Variants in ASCC2 observed in about 807,000 individuals in gnomAD.
ASCC2 encodes ASC-1 complex subunit P100.
In ASCC2, 42 loss-of-function variants were observed where a neutral mutation model predicts 93.5. The observed-to-expected ratio is 0.45, with a 90% confidence interval of 0.35 to 0.58. The LOEUF is 0.58. ASCC2 is among the 20% of genes least tolerant of loss of function. The probability of loss-of-function intolerance (pLI) is 0.00; values close to 1 mark genes in which losing one functional copy is unlikely to be tolerated. For synonymous variants in ASCC2, 364 were observed against 384.2 expected, an observed-to-expected ratio of 0.95 and a Z score of 0.62; for missense variants, 859 against 977.6, an observed-to-expected ratio of 0.88 and a Z score of 1.62.
chr22:29,816,085 A>C lies in ASCC2; in HGVS notation c.542-12T>G. 6.3e-7 allele frequency: 1 copy of C among 1,583,792 alleles called. No homozygotes were observed. The highest frequency in any genetic ancestry group is 8.6e-7 in the Non-Finnish European group (1 of 1,162,800). On this transcript the variant is annotated splice_polypyrimidine_tract_variant and intron_variant, in intron 5 of 19. Coordinates refer to ENST00000307790, the MANE Select transcript of ASCC2 (RefSeq NM_032204.5). ...TGTAAAGATGTTTCCTAAAAAGAGAAGAGAAAGGTTGGAATTGAGAAAAGG... is the reference window on the plus strand; with the variant it reads ...TGTAAAGATGTTTCCTAAAAAGAGACGAGAAAGGTTGGAATTGAGAAAAGG...
At chr22:29,807,154 T>C (rs754036936) in intron 9 of ASCC2, among the ~76,000 whole-genome samples, 3 of 140,464 alleles carry the variant, frequency 2.1e-5, no homozygotes, top group Non-Finnish European at 4.5e-5. Context: ...GGCAGGGGGA[T>C]CGCATTCGCC....
chr22:29,804,602 C>G, intron 13 of ASCC2, 36 bp downstream of exon 13: 1 of 1,600,860 alleles, frequency 6.2e-7, no homozygotes, highest in Non-Finnish European at 8.5e-7. Flanking sequence ...CAAGGAGGGA[C>G]AAGCGAAGAG....
At chr22:29,798,146 T>C (rs1360650009) in intron 15 of ASCC2, among the ~76,000 whole-genome samples, 1 of 152,212 alleles carries the variant, frequency 6.6e-6, no homozygotes, top group East Asian at 1.9e-4. Flanking sequence ...TCTTGCCCAC[T>C]GACTCCTTCA....
At chr22:29,793,246 G>T in intron 17 of ASCC2, 114 bp downstream of exon 17, 1 of 1,446,722 alleles carries the variant, frequency 6.9e-7, no homozygotes, top group Middle Eastern at 2.2e-4. Flanking sequence ...TAGGAGTCAG[G>T]AGGACTGGGT....
intron 12 of ASCC2, 62 bp downstream of exon 12, chr22:29,806,154 C>T: frequency 1.9e-6 from 3 of 1,553,204 alleles, no homozygotes; most frequent in Non-Finnish European, 2.7e-6. Flanking sequence ...TTCCAGCAGC[C>T]TGTCTCACCT....
Position 29,825,203 on chromosome 22 carries a change from G to T in ASCC2, c.295C>A (p.Pro99Thr). Reference protein sequence around the residue: ...KCLDSYLRYVPRKFDEGVASA... With the variant: ...KCLDSYLRYVTRKFDEGVASA... ...GCCACCCCCTCGTCGAATTTGCGGG[G>T]GACATAGCGCAGGTAGGAGTCCAGG... is the stretch of plus-strand genomic sequence containing the variant. The change falls in exon 4 of 20, where the codon CCC becomes ACC. Residue 99 changes from proline (P) to threonine (T), a missense_variant. Pro to Thr is a conservative substitution (Grantham distance 38). Coordinates refer to ENST00000307790, the MANE Select transcript of ASCC2 (RefSeq NM_032204.5). The surrounding 1 kb of genome is among the most constrained non-coding windows in gnomAD (Gnocchi z 4.9). 6.4e-7 allele frequency: 1 copy of T among 1,559,618 alleles called. No homozygotes were observed. The highest frequency in any genetic ancestry group is 8.7e-7 in the Non-Finnish European group (1 of 1,153,444).
Position 29,796,883 on chromosome 22 carries a change from T to A in ASCC2, c.1689-3207A>T, listed in dbSNP as rs529900451. Reference sequence around the variant, plus strand: ...TTTCTGCTACACCTTCGGCTTCTGGTCCATCCCATCCCTGGTTCTGTGCAG... The same window carrying A: ...TTTCTGCTACACCTTCGGCTTCTGGACCATCCCATCCCTGGTTCTGTGCAG... On this transcript the variant is annotated intron_variant, in intron 15 of 19. Coordinates refer to ENST00000307790, the MANE Select transcript of ASCC2 (RefSeq NM_032204.5). Among the ~76,000 whole-genome samples the A allele has an allele frequency of 2.0e-5, 3 of 152,278 alleles. No individual in the cohort carries two copies. The East Asian group carries it at 5.8e-4, about 29-fold the overall frequency.
intron 1 of ASCC2, among the ~76,000 whole-genome samples, chr22:29,832,863 C>G (rs112946458): frequency 0.011 from 1,712 of 152,222 alleles, 30 homozygotes; most frequent in African/African-American, 0.037. Context: ...ACCTCAGCCT[C>G]CTGAGTAGCT....
intron 15 of ASCC2, 115 bp downstream of exon 15, chr22:29,800,876 T>A: frequency 3.0e-6 from 4 of 1,321,160 alleles, no homozygotes; most frequent in Non-Finnish European, 4.1e-6. Context: ...TGTGAAGGGA[T>A]CCCTGTGCTG....
intron 5 of ASCC2, among the ~76,000 whole-genome samples, chr22:29,817,061 A>G (rs2060945793): frequency 6.6e-6 from 1 of 152,102 alleles, no homozygotes; most frequent in African/African-American, 2.4e-5. Flanking sequence ...GAGTTCAAAA[A>G]CCAGATGGGG....
intron 1 of ASCC2, among the ~76,000 whole-genome samples, chr22:29,834,760 T>C (rs1280907655): frequency 6.6e-6 from 1 of 152,178 alleles, no homozygotes; most frequent in Non-Finnish European, 1.5e-5. Flanking sequence ...TCAAGGTAAA[T>C]ACATTATTGG....
chr22:29,793,177 C>T (rs2057986290), intron 17 of ASCC2, among the ~76,000 whole-genome samples, 183 bp downstream of exon 17: 1 of 152,194 alleles, frequency 6.6e-6, no homozygotes, highest in African/African-American at 2.4e-5. Flanking sequence ...AAAGCTACTG[C>T]ATGACACCGA....
intron 2 of ASCC2, among the ~76,000 whole-genome samples, chr22:29,829,642 T>C (rs1308537444): frequency 6.6e-6 from 1 of 151,358 alleles, no homozygotes; most frequent in Non-Finnish European, 1.5e-5. Context: ...GAGGTTGCAG[T>C]GAGCCGAGAT....
At position 29,790,498 on chromosome 22, in the gene ASCC2, G is replaced by A. The variant is rs2057576466; in HGVS notation, c.2073C>T (p.Ala691=). The stretch of plus-strand genomic sequence containing the variant: ...TCTTGGCGAGAAAGGCCATGCGCCT[G>A]GCTTCTGCCTTCTCTCTCAGCACTG... ...DPAVLREKAE[A]RRMAFLAKKG... Residue 691 remains alanine, a synonymous_variant, in exon 19 of 20, where the codon GCC becomes GCT. Transcript: ENST00000307790. The A allele has an allele frequency of 1.2e-6, 2 of 1,614,034 alleles. No homozygotes were observed. Among genetic ancestry groups the A allele is most frequent in the African/African-American group, 2.7e-5 (2 of 74,932 alleles).
At chr22:29,806,970 G>A (rs1477051951) in intron 9 of ASCC2, 66 bp from the exon 10 acceptor site, 2 of 1,237,698 alleles carry the variant, frequency 1.6e-6, no homozygotes, top group Non-Finnish European at 2.3e-6. Context: ...CAGGTGCAGT[G>A]GTTTACACCT....
intron 5 of ASCC2, among the ~76,000 whole-genome samples, chr22:29,818,344 T>C (rs58538392): frequency 0.046 from 6,892 of 151,290 alleles, 551 homozygotes; most frequent in African/African-American, 0.16. Flanking sequence ...CTGCTGTGTA[T>C]GTGTGTGTGA....
At chr22:29,824,997 G>A (rs541811398) in intron 4 of ASCC2, 90 bp downstream of exon 4, 276 of 1,191,012 alleles carry the variant, frequency 2.3e-4, no homozygotes, top group Middle Eastern at 8.8e-4. Context: ...GAAACTCAAT[G>A]CTTCCAGAGC....
At position 29,795,920 on chromosome 22, in the gene ASCC2, G is replaced by T. The variant is rs556970784; in HGVS notation, c.1689-2244C>A. ...GGTCTCTGGAATGTATCAAGGGTAAGATAATAAAAAAAAAAAGAAAAGACA... is the reference window on the plus strand; with the variant it reads ...GGTCTCTGGAATGTATCAAGGGTAATATAATAAAAAAAAAAAGAAAAGACA... On this transcript the variant is annotated intron_variant, in intron 15 of 19. Coordinates refer to ENST00000307790, the MANE Select transcript of ASCC2 (RefSeq NM_032204.5). Among the ~76,000 whole-genome samples the T allele has an allele frequency of 2.0e-5, 3 of 151,090 alleles. No homozygotes were observed. In the South Asian group the frequency reaches 6.3e-4, roughly 32 times the overall value.
Position 29,822,424 on chromosome 22 carries a change from T to C in ASCC2, c.452A>G (p.Tyr151Cys), listed in dbSNP as rs1430331651. ...TGGAATGTCAAAGAGGAAGTTATTG[T>C]AGAGGATTTCTCCAAACGCAGAAGG... ...ISPSAFGEIL[Y>C]NNFLFDIPKI... The change falls in exon 5 of 20, where the codon TAC (tyrosine) becomes TGC (cysteine). Residue 151 changes from tyrosine to cysteine, a missense_variant. Coordinates refer to ENST00000307790, the MANE Select transcript of ASCC2 (RefSeq NM_032204.5). 4 of 1,613,872 alleles carry C rather than the reference T, an allele frequency of 2.5e-6. No homozygotes were observed. Among genetic ancestry groups the C allele is most frequent in the Non-Finnish European group, 3.4e-6 (4 of 1,179,984 alleles).
Sources: gnomAD v4.1 joint callset for allele counts (sites outside exome capture counted in the v4.1 genomes callset) on GRCh38, gnomAD v4.1.1 for gene constraint, Gnocchi (gnomAD v3.1) non-coding constraint, MANE v1.5 for transcripts, NCBI Gene and HGNC (gene_info 2026-07-23, HGNC 2026-07-21) for gene names.